KCNN2: variants seen among roughly 807,000 people sequenced by gnomAD.
The protein encoded by KCNN2 is small conductance calcium-activated potassium channel protein 2.
In KCNN2, 24 loss-of-function variants were observed where a neutral mutation model predicts 55.5. The ratio of observed to expected loss-of-function variants is 0.43; its 90% CI spans 0.31 to 0.61. KCNN2 has a LOEUF of 0.61. Ranked by LOEUF, KCNN2 falls within the 20% of genes least tolerant of loss-of-function variation. The pLI is 0.08. For missense variants in KCNN2, 754 were observed against 853.6 expected, an observed-to-expected ratio of 0.88 and a Z score of 1.45; for synonymous variants, 431 against 336.1, an observed-to-expected ratio of 1.28 and a Z score of -3.09.
At chr5:114,439,648 A>G (rs186661785) in intron 3 of KCNN2, among the ~76,000 whole-genome samples, 2 of 152,308 alleles carry the variant, frequency 1.3e-5, no homozygotes, top group Admixed American at 1.3e-4. Context: ...GAACCATAGC[A>G]CCAAATTGAT....
intron 4 of KCNN2, among the ~76,000 whole-genome samples, chr5:114,463,780 GA>G (rs1289962712): frequency 6.6e-6 from 1 of 152,136 alleles, no homozygotes; most frequent in Non-Finnish European, 1.5e-5. Context: ...TAAAGCTTCT[GA>G]CCTGTTTTGG....
intron 2 of KCNN2, among the ~76,000 whole-genome samples, chr5:114,288,505 C>T (rs930677494): frequency 0.07 from 10,479 of 150,664 alleles, 1,236 homozygotes; most frequent in African/African-American, 0.24. Context: ...TATATACACA[C>T]ACACACACAC....
At chr5:114,294,160 T>C (rs969601976) in intron 2 of KCNN2, among the ~76,000 whole-genome samples, 1 of 152,134 alleles carries the variant, frequency 6.6e-6, no homozygotes, top group African/African-American at 2.4e-5. Context: ...GATGCATTAA[T>C]TTTTTGAAGG....
chr5:114,473,504 C>T (rs1455519157), intron 5 of KCNN2, among the ~76,000 whole-genome samples: 4 of 152,022 alleles, frequency 2.6e-5, no homozygotes, highest in Admixed American at 6.6e-5. Flanking sequence ...TTGATGGAAA[C>T]GTGATTGAAA....
At chr5:114,320,686 C>A (rs762316573) in intron 2 of KCNN2, among the ~76,000 whole-genome samples, 3 of 152,052 alleles carry the variant, frequency 2.0e-5, no homozygotes, top group Non-Finnish European at 4.4e-5. Context: ...ACTAGTGATC[C>A]CACAAGCAGG....
intron 2 of KCNN2, among the ~76,000 whole-genome samples, chr5:114,342,513 A>C (rs767523408): frequency 1.3e-5 from 2 of 152,190 alleles, no homozygotes; most frequent in Non-Finnish European, 2.9e-5. Context: ...GAAAGATTTC[A>C]TAGACTTTAG....
At chr5:114,449,947 G>T (rs1259293109) in intron 3 of KCNN2, among the ~76,000 whole-genome samples, 1 of 149,906 alleles carries the variant, frequency 6.7e-6, no homozygotes, top group Admixed American at 6.6e-5. Flanking sequence ...CCTTAGAAGA[G>T]CCCTTAACCC....
At chr5:114,066,338 C>G (rs1331987190) in intron 1 of KCNN2, among the ~76,000 whole-genome samples, 1 of 152,154 alleles carries the variant, frequency 6.6e-6, no homozygotes, top group South Asian at 2.1e-4. Context: ...ACAAGCTTTA[C>G]CTCTTGGCAT....
At chr5:114,338,633 C>G (rs1403176260) in intron 2 of KCNN2, among the ~76,000 whole-genome samples, 2 of 152,158 alleles carry the variant, frequency 1.3e-5, no homozygotes, top group East Asian at 3.9e-4. Context: ...AGGTTAGATA[C>G]CAGAATCAGC....
chr5:114,396,975 A>T (rs1305158424), intron 2 of KCNN2, among the ~76,000 whole-genome samples: 1 of 152,078 alleles, frequency 6.6e-6, no homozygotes, highest in Non-Finnish European at 1.5e-5. Context: ...AATATGTGGT[A>T]TTTGATTTTC....
At chr5:114,202,842 T>G (rs1176296654) in intron 1 of KCNN2, among the ~76,000 whole-genome samples, 1 of 152,126 alleles carries the variant, frequency 6.6e-6, no homozygotes, top group Non-Finnish European at 1.5e-5. Flanking sequence ...TGCCTTGGCC[T>G]TCCAAAGTTC....
rs528976543 is a variant in KCNN2 at position 114,431,594 on chromosome 5, A to G, written c.1637+26738A>G. On this transcript the variant is annotated intron_variant, in intron 3 of 7. Transcript: ENST00000673685. ...TTTCCACTTCATTGATATCTGCTCT[A>G]ATTTTTTAATTCTTTTCCTTTTGCT... 9.5e-4 allele frequency among the ~76,000 whole-genome samples: 145 copies of G among 151,858 alleles called. 1 individual carries two copies. Among genetic ancestry groups the G allele is most frequent in the Non-Finnish European group, 1.7e-3 (114 of 67,904 alleles).
intron 1 of KCNN2, among the ~76,000 whole-genome samples, chr5:114,162,139 AC>A (rs2112532322): frequency 6.6e-6 from 1 of 151,996 alleles, no homozygotes; most frequent in Non-Finnish European, 1.5e-5. Context: ...GGTTTTATCT[AC>A]CTTTGGTCTT....
intron 2 of KCNN2, among the ~76,000 whole-genome samples, chr5:114,349,947 G>A (rs182265573): frequency 3.3e-5 from 5 of 152,078 alleles, no homozygotes; most frequent in Non-Finnish European, 7.4e-5. Context: ...AGGCATCCTA[G>A]TGGGTGTGAA....
intron 2 of KCNN2, among the ~76,000 whole-genome samples, chr5:114,348,175 C>A (rs1432294032): frequency 4.0e-5 from 6 of 150,492 alleles, no homozygotes; most frequent in Non-Finnish European, 8.8e-5. Context: ...ACAAAAGGCT[C>A]GGTCTCATGA....
intron 3 of KCNN2, among the ~76,000 whole-genome samples, chr5:114,457,802 TGAGA>T (rs1245122224): frequency 6.6e-6 from 1 of 152,240 alleles, no homozygotes; most frequent in Non-Finnish European, 1.5e-5. Context: ...GAGCTGCACC[TGAGA>T]GATTCTCTTT....
intron 1 of KCNN2, among the ~76,000 whole-genome samples, chr5:114,081,623 T>C (rs2632131): frequency 0.14 from 21,310 of 152,148 alleles, 1,578 homozygotes; most frequent in Middle Eastern, 0.17. Context: ...ATACAAAAAT[T>C]AACTCAAAAT....
chr5:114,393,745 AACAAATCTGC>A lies in KCNN2; in HGVS notation c.1219-10686_1219-10677del, dbSNP rs140394646. Among the ~76,000 whole-genome samples the A allele has an allele frequency of 6.7e-3, 1,025 of 152,048 alleles. 13 individuals carry two copies. The highest frequency in any genetic ancestry group is 0.023 in the African/African-American group (967 of 41,484). ...AATACAAATATACCATCTCCCCTTT[AACAAATCTGC>A]ACAAATAATAGCATGTACTTTGCTT... On this transcript the variant is annotated intron_variant, in intron 2 of 7. Coordinates refer to ENST00000673685, the MANE Select transcript of KCNN2 (RefSeq NM_021614.4).
At chr5:114,075,746 T>C (rs1387845948) in intron 1 of KCNN2, among the ~76,000 whole-genome samples, 1 of 152,158 alleles carries the variant, frequency 6.6e-6, no homozygotes. Context: ...TTAACAAATA[T>C]GTCTCAAACA....
Sources: allele counts gnomAD v4.1 joint callset (sites outside exome capture counted in the v4.1 genomes callset), GRCh38; gene constraint gnomAD v4.1.1; transcripts MANE v1.5; gene names NCBI Gene and HGNC (gene_info 2026-07-23, HGNC 2026-07-21).